The following KIF21A variants were observed in gnomAD, a reference collection of about 807,000 sequenced individuals.
KIF21A encodes the protein kinesin family member 21A.
KIF21A carries 114 observed loss-of-function variants against 202.9 expected under a neutral mutation model. That is an observed-to-expected ratio of 0.56 (90% CI 0.48 to 0.66). KIF21A has a LOEUF of 0.66. Among genes scored for constraint, KIF21A ranks in the 30% least tolerant of loss-of-function variants. KIF21A has a pLI of 0.00. For missense variants in KIF21A, 1,677 were observed against 1,994.9 expected, an observed-to-expected ratio of 0.84 and a Z score of 3.04; for synonymous variants, 667 against 670.8, an observed-to-expected ratio of 0.99 and a Z score of 0.09.
At position 39,319,615 on chromosome 12, in the gene KIF21A, C is replaced by G. The variant is rs976950139; in HGVS notation, c.3779+291G>C. On this transcript the variant is annotated intron_variant, in intron 28 of 37. Transcript: ENST00000361418. The stretch of plus-strand genomic sequence containing the variant: ...CTATCTGAAATATAGACTTAATAAG[C>G]CTTACCTCAAGTATATATTAACTCT... 1.3e-5 allele frequency among the ~76,000 whole-genome samples: 2 copies of G among 151,744 alleles called. 1 individual carries two copies. Among genetic ancestry groups the G allele is most frequent in the Middle Eastern group, 6.3e-3 (2 of 316 alleles).
chr12:39,344,583 C>T (rs1254863113), intron 12 of KIF21A, among the ~76,000 whole-genome samples: 4 of 152,184 alleles, frequency 2.6e-5, no homozygotes, highest in Non-Finnish European at 5.9e-5. Flanking sequence ...CTCCCCGCTC[C>T]AACTCACTGA....
chr12:39,427,391 A>G (rs920224962), intron 1 of KIF21A, among the ~76,000 whole-genome samples: 2 of 152,146 alleles, frequency 1.3e-5, no homozygotes, highest in Non-Finnish European at 2.9e-5. Flanking sequence ...CAACAGTAGT[A>G]TTATCTACTT....
chr12:39,314,015 T>C (rs111925166), intron 31 of KIF21A, among the ~76,000 whole-genome samples: 1 of 151,376 alleles, frequency 6.6e-6, no homozygotes, highest in African/African-American at 2.4e-5. Context: ...GCTGAATATA[T>C]GAAGAGCTGT....
intron 1 of KIF21A, among the ~76,000 whole-genome samples, chr12:39,372,261 T>C (rs1233917189): frequency 2.0e-5 from 3 of 152,214 alleles, no homozygotes; most frequent in Non-Finnish European, 4.4e-5. Context: ...AAATATCTCA[T>C]GTAAATAATA....
intron 37 of KIF21A, among the ~76,000 whole-genome samples, chr12:39,297,924 CA>C (rs200393283): frequency 2.3e-3 from 307 of 131,048 alleles, no homozygotes; most frequent in African/African-American, 4.4e-3. Context: ...TTGGTATTAT[CA>C]AAAAAAAAAA....
At chr12:39,368,307 T>C (rs890940533) in intron 3 of KIF21A, among the ~76,000 whole-genome samples, 21 of 152,170 alleles carry the variant, frequency 1.4e-4, no homozygotes, top group Non-Finnish European at 2.5e-4. Flanking sequence ...TTGCAAGAGA[T>C]AGTCAAATAT....
chr12:39,345,584 T>C (rs1947824987), intron 12 of KIF21A, among the ~76,000 whole-genome samples: 1 of 151,806 alleles, frequency 6.6e-6, no homozygotes, highest in Admixed American at 6.6e-5. Context: ...ATTTAACTAA[T>C]TGCATAGTAT....
At chr12:39,399,742 T>C (rs1952026497) in intron 1 of KIF21A, among the ~76,000 whole-genome samples, 1 of 152,172 alleles carries the variant, frequency 6.6e-6, no homozygotes, top group Admixed American at 6.5e-5. Flanking sequence ...GATAGGCCCC[T>C]AGGCATCTTC....
chr12:39,314,855 A>G (rs1944371209), intron 31 of KIF21A, among the ~76,000 whole-genome samples: 1 of 151,782 alleles, frequency 6.6e-6, no homozygotes, highest in African/African-American at 2.4e-5. Context: ...ATTCTTATGT[A>G]TTTTTATGTC....
At chr12:39,436,422 TTATATATATATATATA>T (rs1199818833) in intron 1 of KIF21A, among the ~76,000 whole-genome samples, 4 of 99,116 alleles carry the variant, frequency 4.0e-5, no homozygotes, top group African/African-American at 1.4e-4. Context: ...GTTTACTATA[TTATATATATATATATA>T]TATATATATA....
At chr12:39,413,669 TAAC>T in intron 1 of KIF21A, among the ~76,000 whole-genome samples, 1 of 152,274 alleles carries the variant, frequency 6.6e-6, no homozygotes, top group Admixed American at 6.5e-5. Context: ...CTAATGCCTG[TAAC>T]CCAGCTGAGG....
chr12:39,341,705 A>G, intron 13 of KIF21A, 83 bp from the exon 14 acceptor site: 1 of 1,405,884 alleles, frequency 7.1e-7, no homozygotes, highest in Non-Finnish European at 9.7e-7. Context: ...GCTGGAGTAC[A>G]AAGTACGGAA....
intron 26 of KIF21A, among the ~76,000 whole-genome samples, chr12:39,325,213 G>A (rs1354673012): frequency 6.6e-6 from 1 of 152,038 alleles, no homozygotes; most frequent in Non-Finnish European, 1.5e-5. Flanking sequence ...GACTGAGATT[G>A]TATGCCACTA....
At chr12:39,325,333 AT>A (rs200000503) in intron 26 of KIF21A, among the ~76,000 whole-genome samples, 1,924 of 138,374 alleles carry the variant, frequency 0.014, 11 homozygotes, top group Non-Finnish European at 0.02. Flanking sequence ...ACCAAGGAGA[AT>A]TTTTTTTTTT....
intron 12 of KIF21A, among the ~76,000 whole-genome samples, chr12:39,344,262 G>C (rs1947701794): frequency 6.6e-6 from 1 of 152,140 alleles, no homozygotes; most frequent in Non-Finnish European, 1.5e-5. Context: ...TGAAAATCTA[G>C]AAAGAAATTC....
intron 17 of KIF21A, among the ~76,000 whole-genome samples, chr12:39,335,410 C>CAAAAAAAAAAAAAAAAAA (rs1033088626): frequency 1.6e-5 from 1 of 61,964 alleles, no homozygotes; most frequent in Non-Finnish European, 3.5e-5. Flanking sequence ...GACTCTGTCT[C>CAAAAAAAAAAAAAAAAAA]AAAAAAAAAA....
intron 1 of KIF21A, among the ~76,000 whole-genome samples, chr12:39,420,938 A>G (rs1456372179): frequency 6.6e-6 from 1 of 150,626 alleles, no homozygotes; most frequent in East Asian, 2.0e-4. Context: ...AATGCTCTTG[A>G]TTTAACAAAA....
At chr12:39,324,040 G>A (rs550521499) in intron 26 of KIF21A, among the ~76,000 whole-genome samples, 1 of 152,158 alleles carries the variant, frequency 6.6e-6, no homozygotes, top group African/African-American at 2.4e-5. Context: ...AACCCGGAAG[G>A]CGGAGGTTGC....
chr12:39,342,402 A>G (rs1947517811), intron 12 of KIF21A, among the ~76,000 whole-genome samples: 1 of 152,224 alleles, frequency 6.6e-6, no homozygotes, highest in Non-Finnish European at 1.5e-5. Context: ...GACACCCCTA[A>G]GAACTAGTCA....
Sources: allele counts gnomAD v4.1 joint callset (sites outside exome capture counted in the v4.1 genomes callset), GRCh38; gene constraint gnomAD v4.1.1; transcripts MANE v1.5; gene names NCBI Gene and HGNC (gene_info 2026-07-23, HGNC 2026-07-21).